Variants in CLDN15 observed in about 807,000 individuals in gnomAD.
CLDN15 encodes claudin-15.
A neutral mutation model predicts 24.5 loss-of-function variants in CLDN15; 9 were observed. The observed-to-expected ratio is 0.37, with a 90% CI of 0.22 to 0.64. CLDN15 has a LOEUF of 0.64. CLDN15 is among the 30% of genes least tolerant of loss of function. The pLI is 0.63. For missense variants in CLDN15, 248 were observed against 305.9 expected (o/e 0.81, Z 1.41); for synonymous variants, 149 against 131.4 (o/e 1.13, Z -0.92).
At chr7:101,234,023 C>T (rs1241369397) in intron 2 of CLDN15, 2 of 677,506 alleles carry the variant, frequency 3.0e-6, no homozygotes, top group African/African-American at 3.5e-5. Flanking sequence ...GCCGCTCACT[C>T]TTATCTTCGA....
rs1414427017 is a variant in CLDN15, at chr7:101,232,527, G to A, written c.582-12C>T. 5 of 1,606,998 alleles carry A rather than the reference G, an allele frequency of 3.1e-6. No homozygotes were observed. The highest frequency in any genetic ancestry group is 2.2e-5 in the East Asian group (1 of 44,822). ...AGGGCCGCCGGGCGCTGCGGGGAGG[G>A]CCCGGGGTCAGAGCGGGGGCGCGGC... On this transcript the variant is annotated splice_polypyrimidine_tract_variant and intron_variant, in intron 4 of 4. Transcript: ENST00000308344.
chr7:101,235,805 T>C (rs1798609476), intron 1 of CLDN15, among the ~76,000 whole-genome samples: 1 of 152,070 alleles, frequency 6.6e-6, no homozygotes, highest in South Asian at 2.1e-4. Flanking sequence ...GGAGAGATTA[T>C]GGAAGAGCCC....
At chr7:101,236,852 G>A (rs1234796513) in intron 1 of CLDN15, 1 of 1,277,298 alleles carries the variant, frequency 7.8e-7, no homozygotes, top group Non-Finnish European at 1.0e-6. Flanking sequence ...GGAGACCAGT[G>A]CCCCCCGACA....
chr7:101,236,174 T>G (rs1798617673), intron 1 of CLDN15, among the ~76,000 whole-genome samples: 2 of 151,980 alleles, frequency 1.3e-5, no homozygotes, highest in Admixed American at 6.6e-5. Flanking sequence ...GAAGTGGGTG[T>G]AGGGGCTGCC....
chr7:101,232,252 AGGGGCCATGAGAGTGCAAGACAC>A lies in CLDN15; in HGVS notation c.*135_*157del. 1 of 582,840 alleles carries A rather than the reference AGGGGCCATGAGAGTGCAAGACAC, an allele frequency of 1.7e-6. No individual in the cohort carries two copies. The highest frequency in any genetic ancestry group is 3.0e-6 in the Non-Finnish European group (1 of 328,120). 36.1% of individuals were successfully genotyped at this position (582,840 alleles called of 1,614,324 possible). A position where few individuals can be genotyped will look rare whatever the true frequency, so the allele number is the denominator to read the frequency against. ...TTCCCAAGAGCAGTTCTTGGCCTGG[AGGGGCCATGAGAGTGCAAGACAC>A]GGGGCCGTGGCCGGGGCGGGGCTAC... On this transcript the variant is annotated 3_prime_UTR_variant, in exon 5 of 5. Coordinates refer to ENST00000308344, the MANE Select transcript of CLDN15 (RefSeq NM_014343.3).
Position 101,234,394 on chromosome 7 carries a change from C to T in CLDN15, c.266G>A (p.Gly89Asp), listed in dbSNP as rs781452464. The T allele has an allele frequency of 3.7e-6, 6 of 1,612,906 alleles. No homozygotes were observed. The African/African-American group carries it at 6.7e-5, about 18-fold the overall frequency. The part of the protein sequence containing the change: ...RALMITAILL[G>D]FLGLLLGIAG... ...TATGCCTAGCAAGAGGCCGAGGAAG[C>T]CCAGGAGGATGGCGGTGATCATGAG... Residue 89 changes from glycine (G) to aspartate (D), a missense_variant, in exon 2 of 5, where the codon GGC becomes GAC. Gly to Asp is a moderately conservative substitution (Grantham distance 94). Coordinates refer to ENST00000308344, the MANE Select transcript of CLDN15 (RefSeq NM_014343.3).
chr7:101,234,248 A>G (rs1562904179), intron 2 of CLDN15, 30 bp downstream of exon 2: 2 of 1,559,928 alleles, frequency 1.3e-6, no homozygotes, highest in Admixed American at 1.7e-5. Flanking sequence ...GTTGAGGGGG[A>G]CCCCCGCCCC....
At chr7:101,236,012 A>G (rs1224033220) in intron 1 of CLDN15, among the ~76,000 whole-genome samples, 1 of 152,150 alleles carries the variant, frequency 6.6e-6, no homozygotes, top group Non-Finnish European at 1.5e-5. Context: ...AAATGTAGGC[A>G]GAAGCACCTA....
At position 101,232,574 on chromosome 7, in the gene CLDN15, C is replaced by T. The variant is rs779045373; in HGVS notation, c.581+30G>A. On this transcript the variant is annotated intron_variant, in intron 4 of 4. Transcript: ENST00000308344. ...CGGCCCTCCTCTCTCCAATCCCGCC[C>T]GGCCCCAGCCTGCGCCTCACCCTGC... 3.8e-6 allele frequency: 6 copies of T among 1,594,264 alleles called. No homozygotes were observed. In the East Asian group the frequency reaches 6.8e-5, roughly 18 times the overall value.
Position 101,232,233 on chromosome 7 carries a change from A to G in CLDN15, c.*177T>C. On this transcript the variant is annotated 3_prime_UTR_variant, in exon 5 of 5. Coordinates refer to ENST00000308344, the MANE Select transcript of CLDN15 (RefSeq NM_014343.3). ...CAGAGGGGAGATATGCGACTTCCCAAGAGCAGTTCTTGGCCTGGAGGGGCC... is the reference window on the plus strand; with the variant it reads ...CAGAGGGGAGATATGCGACTTCCCAGGAGCAGTTCTTGGCCTGGAGGGGCC... 1 of 574,934 alleles carries G rather than the reference A, an allele frequency of 1.7e-6. No individual in the cohort carries two copies. The highest frequency in any genetic ancestry group is 3.1e-6 in the Non-Finnish European group (1 of 323,834). The allele number at this position is 574,934 out of a possible 1,614,324, so 35.6% of individuals were successfully genotyped here.
chr7:101,232,265 G>C lies in CLDN15; in HGVS notation c.*145C>G. 1.6e-6 allele frequency: 1 copy of C among 608,790 alleles called. No individual in the cohort carries two copies. The highest frequency in any genetic ancestry group is 2.8e-5 in the East Asian group (1 of 35,678). The allele number at this position is 608,790 out of a possible 1,614,324, so 37.7% of individuals were successfully genotyped here. ...TTCTTGGCCTGGAGGGGCCATGAGAGTGCAAGACACGGGGCCGTGGCCGGG... is the reference window on the plus strand; with the variant it reads ...TTCTTGGCCTGGAGGGGCCATGAGACTGCAAGACACGGGGCCGTGGCCGGG... On this transcript the variant is annotated 3_prime_UTR_variant, in exon 5 of 5. Coordinates refer to ENST00000308344, the MANE Select transcript of CLDN15 (RefSeq NM_014343.3).
At position 101,237,340 on chromosome 7, in the gene CLDN15, C is replaced by T. The variant is rs1798647822; in HGVS notation, c.217+25G>A. ...CTGCAGCTTCCCCGCCGCCCTCTCTCCCTGGAGCGCTCCCCACCCCATACC... is the reference window on the plus strand; with the variant it reads ...CTGCAGCTTCCCCGCCGCCCTCTCTTCCTGGAGCGCTCCCCACCCCATACC... On this transcript the variant is annotated intron_variant, in intron 1 of 4. Transcript: ENST00000308344. The surrounding 1 kb of genome is among the most constrained non-coding windows in gnomAD (Gnocchi z 4.0). 1 of 1,503,414 alleles carries T rather than the reference C, an allele frequency of 6.7e-7. No homozygotes were observed. The highest frequency in any genetic ancestry group is 1.7e-4 in the Middle Eastern group (1 of 5,846). 93.1% of individuals were successfully genotyped at this position (1,503,414 alleles called of 1,614,324 possible). A position where few individuals can be genotyped will look rare whatever the true frequency, so the allele number is the denominator to read the frequency against.
intron 1 of CLDN15, among the ~76,000 whole-genome samples, chr7:101,235,760 C>T (rs575804647): frequency 5.9e-5 from 9 of 152,196 alleles, no homozygotes; most frequent in South Asian, 4.1e-4. Flanking sequence ...GGGGCTGACA[C>T]GAGTCTGAGT....
intron 3 of CLDN15, 54 bp downstream of exon 3, chr7:101,232,779 G>A (rs936256556): frequency 1.9e-6 from 3 of 1,577,576 alleles, no homozygotes; most frequent in African/African-American, 2.7e-5. Context: ...GGGGGGCAGG[G>A]CTGAGTCCCA....
intron 1 of CLDN15, chr7:101,236,872 G>C: frequency 8.2e-7 from 1 of 1,221,250 alleles, no homozygotes; most frequent in Non-Finnish European, 1.1e-6. Context: ...AGTGAGGCTG[G>C]GGAGTCTGTG....
At chr7:101,233,925 T>G (rs2116836003) in intron 2 of CLDN15, 1 of 420,662 alleles carries the variant, frequency 2.4e-6, no homozygotes, top group Non-Finnish European at 4.7e-6. Flanking sequence ...TGCCCCGTGG[T>G]ATGGCACTGT....
chr7:101,237,505 T>C lies in CLDN15; in HGVS notation c.77A>G (p.Asn26Ser). The part of the protein sequence containing the change: ...GLLMLGVTLP[N>S]SYWRVSTVHG... ...CACAGTGGACACTCGCCAGTAGCTG[T>C]TTGGCAGAGTCACCCCCAGCATCAG... Residue 26 changes from asparagine (N) to serine (S), a missense_variant, in exon 1 of 5, where the codon AAC (asparagine) becomes AGC (serine). By Grantham distance (46) the Asn-to-Ser change is conservative (BLOSUM62 1). Transcript: ENST00000308344. This position sits in a 1 kb window ranked among gnomAD's most constrained non-coding sequence, Gnocchi z 4.0. The C allele has an allele frequency of 6.2e-7, 1 of 1,614,108 alleles. No individual in the cohort carries two copies. The highest frequency in any genetic ancestry group is 1.3e-5 in the African/African-American group (1 of 75,062).
In CLDN15 at chr7:101,237,320, G is replaced by T; in HGVS notation, c.217+45C>A. The T allele has an allele frequency of 7.7e-7, 1 of 1,303,576 alleles. No individual in the cohort carries two copies. The highest frequency in any genetic ancestry group is 1.1e-6 in the Non-Finnish European group (1 of 918,482). The allele number at this position is 1,303,576 out of a possible 1,614,324, so 80.8% of individuals were successfully genotyped here. On this transcript the variant is annotated intron_variant, in intron 1 of 4. Transcript: ENST00000308344. The surrounding 1 kb of genome is among the most constrained non-coding windows in gnomAD (Gnocchi z 4.0). ...CCCGCCCTCCCCTGGGGTCTCTGCA[G>T]CTTCCCCGCCGCCCTCTCTCCCTGG...
chr7:101,237,450 G>A lies in CLDN15; in HGVS notation c.132C>T (p.Ile44=). The A allele has an allele frequency of 6.2e-7, 1 of 1,614,086 alleles. No homozygotes were observed. Among genetic ancestry groups the A allele is most frequent in the African/African-American group, 1.3e-5 (1 of 75,068 alleles). Residue 44 remains isoleucine, a synonymous_variant, in exon 1 of 5, where the codon ATC becomes ATT. Coordinates refer to ENST00000308344, the MANE Select transcript of CLDN15 (RefSeq NM_014343.3). This position sits in a 1 kb window ranked among gnomAD's most constrained non-coding sequence, Gnocchi z 4.0. ...VHGNVITTNT[I]FENLWFSCAT... is the part of the protein sequence containing the mutation. ...CACAGCTAAACCAGAGGTTCTCGAA[G>A]ATGGTGTTGGTGGTGATGACGTTCC...
Sources: gnomAD v4.1 joint callset for allele counts (sites outside exome capture counted in the v4.1 genomes callset) on GRCh38, gnomAD v4.1.1 for gene constraint, Gnocchi (gnomAD v3.1) non-coding constraint, MANE v1.5 for transcripts, NCBI Gene and HGNC (gene_info 2026-07-23, HGNC 2026-07-21) for gene names.